The following MARCHF6 variants were observed in gnomAD, a reference collection of about 807,000 sequenced individuals.
The protein encoded by MARCHF6 is E3 ubiquitin-protein ligase MARCHF6.
In MARCHF6, 31 loss-of-function variants were observed where a neutral mutation model predicts 133.7. The ratio of observed to expected loss-of-function variants is 0.23; its 90% CI spans 0.17 to 0.31. The LOEUF is 0.31. MARCHF6 is among the 10% of genes least tolerant of loss of function. MARCHF6 has a pLI of 1.00. For missense variants in MARCHF6, 723 were observed against 1,121.6 expected (o/e 0.64, Z 5.08); for synonymous variants, 395 against 402.5 (o/e 0.98, Z 0.22).
At chr5:10,402,169 C>T (rs1345157227) in intron 12 of MARCHF6, 30 bp downstream of exon 12, 1 of 1,353,806 alleles carries the variant, frequency 7.4e-7, no homozygotes, top group Non-Finnish European at 1.1e-6. Context: ...CTTGGGTGTA[C>T]ACTAATATTA....
chr5:10,384,931 A>G (rs1237004796), intron 4 of MARCHF6, among the ~76,000 whole-genome samples: 2 of 152,230 alleles, frequency 1.3e-5, no homozygotes, highest in Non-Finnish European at 2.9e-5. Context: ...AATAGTACTT[A>G]AAAACTGATA....
At chr5:10,386,040 T>C (rs78156199) in intron 4 of MARCHF6, among the ~76,000 whole-genome samples, 1 of 152,078 alleles carries the variant, frequency 6.6e-6, no homozygotes, top group Non-Finnish European at 1.5e-5. Context: ...TTTTTTTTTT[T>C]AGCGATACAC....
At chr5:10,366,882 G>A (rs1234826951) in intron 1 of MARCHF6, among the ~76,000 whole-genome samples, 1 of 152,194 alleles carries the variant, frequency 6.6e-6, no homozygotes, top group African/African-American at 2.4e-5. Context: ...CTGCGTTTAT[G>A]AGAACAGTTT....
intron 17 of MARCHF6, 23 bp downstream of exon 17, chr5:10,407,225 A>G (rs763706515): frequency 7.7e-7 from 1 of 1,298,510 alleles, no homozygotes; most frequent in Non-Finnish European, 1.1e-6. Context: ...AATTTAGAAT[A>G]GCTTTACTAA....
chr5:10,402,159 C>T lies in MARCHF6; in HGVS notation c.1053+20C>T. ...TGTCATGTATCCTTTAATGAACCAA[C>T]TTGGGTGTACACTAATATTATTCAT... On this transcript the variant is annotated intron_variant, in intron 12 of 25. Transcript: ENST00000274140. The T allele has an allele frequency of 7.0e-7, 1 of 1,419,972 alleles. No individual in the cohort carries two copies. Among genetic ancestry groups the T allele is most frequent in the Non-Finnish European group, 9.9e-7 (1 of 1,008,338 alleles). The allele number at this position is 1,419,972 out of a possible 1,614,324, so 88.0% of individuals were successfully genotyped here.
At chr5:10,368,648 C>T (rs925282292) in intron 1 of MARCHF6, among the ~76,000 whole-genome samples, 5 of 152,098 alleles carry the variant, frequency 3.3e-5, no homozygotes, top group Non-Finnish European at 7.4e-5. Context: ...GGCGTCATCT[C>T]GGTTTGCTGC....
At chr5:10,373,222 C>T (rs1736569328) in intron 1 of MARCHF6, among the ~76,000 whole-genome samples, 1 of 152,072 alleles carries the variant, frequency 6.6e-6, no homozygotes, top group Admixed American at 6.5e-5. Context: ...GTTGGGTTTG[C>T]TTAGTATCTT....
rs889979877 is a variant in MARCHF6 at position 10,435,335 on chromosome 5, A to G, written c.*1651A>G. ...GCTCCGGCCGGTTGTCCTGGCACAC[A>G]AGGAGGCGAGGCTATGCGTTCGAGG... On this transcript the variant is annotated 3_prime_UTR_variant, in exon 26 of 26. Transcript: ENST00000274140. 5.9e-5 allele frequency: 9 copies of G among 152,098 alleles called. No individual in the cohort carries two copies. Among genetic ancestry groups the G allele is most frequent in the African/African-American group, 2.2e-4 (9 of 41,380 alleles). 9.4% of individuals were successfully genotyped at this position (152,098 alleles called of 1,614,324 possible). A position where few individuals can be genotyped will look rare whatever the true frequency, so the allele number is the denominator to read the frequency against.
intron 4 of MARCHF6, among the ~76,000 whole-genome samples, chr5:10,383,720 CAGAG>C (rs1224073272): frequency 3.9e-5 from 6 of 152,090 alleles, no homozygotes; most frequent in Non-Finnish European, 7.4e-5. Flanking sequence ...AGCAAGGAAT[CAGAG>C]AGAAAGATGT....
chr5:10,395,165 T>C (rs1357095548), intron 9 of MARCHF6, among the ~76,000 whole-genome samples: 1 of 152,206 alleles, frequency 6.6e-6, no homozygotes, highest in Non-Finnish European at 1.5e-5. Flanking sequence ...ACATTTATAG[T>C]ATGTAGTAAA....
rs1252786733 is a variant in MARCHF6 at position 10,402,455 on chromosome 5, A to G, written c.1122+3A>G. The G allele has an allele frequency of 6.2e-7, 1 of 1,613,730 alleles. No homozygotes were observed. Among genetic ancestry groups the G allele is most frequent in the Admixed American group, 1.7e-5 (1 of 59,998 alleles). On this transcript the variant is annotated splice_donor_region_variant and intron_variant, in intron 13 of 25. Transcript: ENST00000274140. The stretch of plus-strand genomic sequence containing the variant: ...GAGTCTGCTATATTGTTGTTAAGGT[A>G]ATTCCTGTTATAACTTAAAATTGGA...
chr5:10,394,607 G>GA, intron 8 of MARCHF6, 146 bp from the exon 9 acceptor site: 2 of 595,486 alleles, frequency 3.4e-6, no homozygotes, highest in South Asian at 4.0e-5. Flanking sequence ...TTTATTTTCT[G>GA]AAAATGATAG....
intron 1 of MARCHF6, among the ~76,000 whole-genome samples, chr5:10,354,941 T>C (rs906498300): frequency 6.7e-6 from 1 of 149,160 alleles, no homozygotes; most frequent in East Asian, 1.9e-4. Context: ...TAACGACTTA[T>C]TTTTTTTTAA....
chr5:10,413,260 C>CT (rs1248547442), intron 19 of MARCHF6: 2 of 152,282 alleles, frequency 1.3e-5, no homozygotes, highest in Non-Finnish European at 2.9e-5. Flanking sequence ...ACTCAGCTCT[C>CT]TCGCCTCTCC....
chr5:10,377,789 C>T lies in MARCHF6; in HGVS notation c.20-9C>T, dbSNP rs780594348. The T allele has an allele frequency of 2.5e-6, 4 of 1,595,246 alleles. No homozygotes were observed. Among genetic ancestry groups the T allele is most frequent in the Non-Finnish European group, 3.4e-6 (4 of 1,164,412 alleles). On this transcript the variant is annotated splice_polypyrimidine_tract_variant and intron_variant, in intron 1 of 25. Coordinates refer to ENST00000274140, the MANE Select transcript of MARCHF6 (RefSeq NM_005885.4). ...CAAAGGAAATTCAATTTTCCTTTTT[C>T]ATTGGCAGACATATGTAGAGTGTGT...
rs562863103 is a variant in MARCHF6, at chr5:10,364,964, C to T, written c.19+11047C>T. Among the ~76,000 whole-genome samples the T allele has an allele frequency of 2.9e-3, 436 of 151,010 alleles. 3 individuals carry two copies. Among genetic ancestry groups the T allele is most frequent in the African/African-American group, 4.5e-3 (186 of 41,146 alleles). ...GATTACAAGCACATGCCACCACGCC[C>T]GGCTAATTTTGTATTTTTAGTAGAG... On this transcript the variant is annotated intron_variant, in intron 1 of 25. Transcript: ENST00000274140.
intron 1 of MARCHF6, among the ~76,000 whole-genome samples, chr5:10,360,802 G>A (rs929959652): frequency 6.6e-6 from 1 of 152,154 alleles, no homozygotes; most frequent in African/African-American, 2.4e-5. Flanking sequence ...TTCTTGAGCT[G>A]GTAAGACAGT....
intron 9 of MARCHF6, 25 bp from the exon 10 acceptor site, chr5:10,397,268 C>A: frequency 6.6e-7 from 1 of 1,513,402 alleles, no homozygotes; most frequent in Non-Finnish European, 8.9e-7. Context: ...ATTGAATATG[C>A]TTTATTGATG....
intron 25 of MARCHF6, among the ~76,000 whole-genome samples, chr5:10,430,822 G>A (rs987950112): frequency 4.6e-5 from 7 of 152,192 alleles, no homozygotes; most frequent in Non-Finnish European, 8.8e-5. Context: ...GGGACTCTCT[G>A]TTTTGAGGAA....
Sources: gnomAD v4.1 joint callset for allele counts (sites outside exome capture counted in the v4.1 genomes callset) on GRCh38, gnomAD v4.1.1 for gene constraint, MANE v1.5 for transcripts, NCBI Gene and HGNC (gene_info 2026-07-23, HGNC 2026-07-21) for gene names.